The following TMEM132D variants were observed in gnomAD, a reference collection of about 807,000 sequenced individuals.
TMEM132D encodes transmembrane protein 132D, also known as mature OL transmembrane protein.
A neutral mutation model predicts 62.3 loss-of-function variants in TMEM132D; 21 were observed. The observed-to-expected ratio is 0.34, with a 90% confidence interval of 0.24 to 0.49. The LOEUF (loss-of-function observed/expected upper bound fraction) is 0.49. Among genes scored for constraint, TMEM132D ranks in the 20% least tolerant of loss-of-function variants. The pLI is 0.99. For synonymous variants in TMEM132D, 621 were observed against 575.6 expected, an observed-to-expected ratio of 1.08 and a Z score of -1.13; for missense variants, 1,346 against 1,402.8, an observed-to-expected ratio of 0.96 and a Z score of 0.65.
intron 2 of TMEM132D, among the ~76,000 whole-genome samples, chr12:129,629,058 A>G (rs894219859): frequency 6.7e-6 from 1 of 149,252 alleles, no homozygotes; most frequent in Non-Finnish European, 1.5e-5. Context: ...CTCCATCTGT[A>G]TGCCCCTTTC....
In TMEM132D at chr12:129,239,425, GT is replaced by G. The variant is rs1719156007; in HGVS notation, c.1300-29763del. On this transcript the variant is annotated intron_variant, in intron 4 of 8. Transcript: ENST00000422113. ...AGGGCCCAACTTCATTCTTTTGTGT[GT>G]AGACATACAGTTCTTCTGACACCAT... 2.6e-5 allele frequency among the ~76,000 whole-genome samples: 4 copies of G among 152,160 alleles called. 1 individual carries two copies. In the South Asian group the frequency reaches 8.3e-4, roughly 32 times the overall value.
At chr12:129,438,475 T>TA (rs1872851448) in intron 3 of TMEM132D, among the ~76,000 whole-genome samples, 1 of 152,198 alleles carries the variant, frequency 6.6e-6, no homozygotes, top group Non-Finnish European at 1.5e-5. Flanking sequence ...AAAACATAGA[T>TA]ACATCTCCCT....
Position 129,345,816 on chromosome 12 carries a change from A to G in TMEM132D, c.1116-7999T>C, listed in dbSNP as rs138245349. Among the ~76,000 whole-genome samples the G allele has an allele frequency of 9.7e-3, 1,476 of 152,158 alleles. 24 individuals are homozygous for G. The highest frequency in any genetic ancestry group is 0.034 in the African/African-American group (1,413 of 41,510). On this transcript the variant is annotated intron_variant, in intron 3 of 8. Coordinates refer to ENST00000422113, the MANE Select transcript of TMEM132D (RefSeq NM_133448.3). ...TTGATTGTGGTGGATAAGCTTTTTG[A>G]TGTGCTGCTGGCTTCAGTTTGCCAG...
At chr12:129,682,714 C>T (rs932912011) in intron 2 of TMEM132D, among the ~76,000 whole-genome samples, 5 of 151,790 alleles carry the variant, frequency 3.3e-5, no homozygotes, top group African/African-American at 4.8e-5. Flanking sequence ...AAAGTATCAG[C>T]CGGGCGTGGT....
chr12:129,299,227 C>G (rs1048028968), intron 4 of TMEM132D, among the ~76,000 whole-genome samples: 1 of 152,070 alleles, frequency 6.6e-6, no homozygotes, highest in Admixed American at 6.6e-5. Flanking sequence ...ATGGTAGGAA[C>G]CTGGAGGTGC....
chr12:129,615,768 AAAT>A (rs1878897108), intron 2 of TMEM132D, among the ~76,000 whole-genome samples: 1 of 148,304 alleles, frequency 6.7e-6, no homozygotes, highest in East Asian at 2.0e-4. Flanking sequence ...TGTCTCAATA[AAAT>A]AATTAAAACA....
chr12:129,505,898 T>C (rs1303380494), intron 3 of TMEM132D, among the ~76,000 whole-genome samples: 1 of 152,202 alleles, frequency 6.6e-6, no homozygotes, highest in Non-Finnish European at 1.5e-5. Context: ...CCCTCTACCT[T>C]AAGTTTATGT....
chr12:129,164,017 G>C (rs1264141995), intron 5 of TMEM132D, among the ~76,000 whole-genome samples: 5 of 152,178 alleles, frequency 3.3e-5, no homozygotes, highest in East Asian at 1.9e-4. Flanking sequence ...GGCCTTCCCT[G>C]GTGGGAACTG....
In TMEM132D at chr12:129,137,104, C is replaced by T. The variant is rs373997264; in HGVS notation, c.1444-52402G>A. Among the ~76,000 whole-genome samples the T allele has an allele frequency of 2.2e-5, 3 of 136,980 alleles. No individual in the cohort carries two copies. The East Asian group carries it at 6.4e-4, about 29-fold the overall frequency. 89.9% of individuals were successfully genotyped at this position (136,980 alleles called of 152,430 possible). A position where few individuals can be genotyped will look rare whatever the true frequency, so the allele number is the denominator to read the frequency against. On this transcript the variant is annotated intron_variant, in intron 5 of 8. Coordinates refer to ENST00000422113, the MANE Select transcript of TMEM132D (RefSeq NM_133448.3). ...TCATCATTACTATCATCACCACCAT[C>T]ACCACCACCATCATCACCATCATCA...
At chr12:129,801,726 G>A (rs1465405847) in intron 1 of TMEM132D, among the ~76,000 whole-genome samples, 315 of 150,788 alleles carry the variant, frequency 2.1e-3, no homozygotes, top group Non-Finnish European at 3.8e-3. Flanking sequence ...GGCTTCAGAC[G>A]ATCAAATTAC....
chr12:129,628,861 T>C (rs1174435995), intron 2 of TMEM132D, among the ~76,000 whole-genome samples: 2 of 152,058 alleles, frequency 1.3e-5, no homozygotes, highest in East Asian at 3.9e-4. Flanking sequence ...CCTCATCAGT[T>C]TCCTGTCCTT....
In TMEM132D at chr12:129,074,436, C is replaced by A. The variant is rs2135603087; in HGVS notation, c.2739G>T (p.Leu913=). 6.2e-7 allele frequency: 1 copy of A among 1,614,146 alleles called. No homozygotes were observed. Among genetic ancestry groups the A allele is most frequent in the Non-Finnish European group, 8.5e-7 (1 of 1,180,052 alleles). ...CATACATCCCAATTTCTAAGTCGCT[C>A]AGCCCTTTGGATGCCTGCATAAGGT... The part of the protein sequence containing the change: ...GNDLMQASKG[L]SDLEIGMYAL... The change falls in exon 9 of 9, where the codon CTG becomes CTT. Residue 913 remains leucine, a synonymous_variant. Coordinates refer to ENST00000422113, the MANE Select transcript of TMEM132D (RefSeq NM_133448.3).
At chr12:129,183,868 G>A (rs12830202) in intron 5 of TMEM132D, among the ~76,000 whole-genome samples, 8 of 152,046 alleles carry the variant, frequency 5.3e-5, no homozygotes, top group Non-Finnish European at 4.4e-5. Flanking sequence ...GGGCATGGAC[G>A]ATTCTTTGGA....
At chr12:129,794,831 A>G (rs1871513977) in intron 1 of TMEM132D, among the ~76,000 whole-genome samples, 1 of 152,188 alleles carries the variant, frequency 6.6e-6, no homozygotes, top group South Asian at 2.1e-4. Flanking sequence ...TAAATTCTCT[A>G]TAAAGAGAAT....
chr12:129,103,352 T>C (rs945368328), intron 5 of TMEM132D, among the ~76,000 whole-genome samples: 2 of 152,160 alleles, frequency 1.3e-5, no homozygotes, highest in Non-Finnish European at 2.9e-5. Context: ...CCAGGCTCAT[T>C]TCACTCCCTC....
chr12:129,744,747 T>G (rs373061682), intron 1 of TMEM132D, among the ~76,000 whole-genome samples: 2 of 151,966 alleles, frequency 1.3e-5, no homozygotes, highest in African/African-American at 2.4e-5. Context: ...CAAACGCAAA[T>G]GAGTAGAAAA....
chr12:129,284,968 G>C (rs143499807), intron 4 of TMEM132D, among the ~76,000 whole-genome samples: 224 of 152,336 alleles, frequency 1.5e-3, no homozygotes, highest in African/African-American at 4.9e-3. Flanking sequence ...TGGAGTGATG[G>C]ACACGCTTTG....
chr12:129,831,049 C>T (rs1456290255), intron 1 of TMEM132D, among the ~76,000 whole-genome samples: 1 of 152,130 alleles, frequency 6.6e-6, no homozygotes, highest in Non-Finnish European at 1.5e-5. Flanking sequence ...TTTCCAAGCT[C>T]CTTCTCTCCA....
chr12:129,443,338 T>C (rs1872993977), intron 3 of TMEM132D, among the ~76,000 whole-genome samples: 1 of 152,186 alleles, frequency 6.6e-6, no homozygotes, highest in African/African-American at 2.4e-5. Flanking sequence ...TCTATGTCAA[T>C]CTCTGGGCAT....
Sources: allele counts gnomAD v4.1 joint callset (sites outside exome capture counted in the v4.1 genomes callset), GRCh38; gene constraint gnomAD v4.1.1; transcripts MANE v1.5; gene names NCBI Gene and HGNC (gene_info 2026-07-23, HGNC 2026-07-21).